HEATR5B: variants seen among roughly 807,000 people sequenced by gnomAD.
HEATR5B encodes HEAT repeat-containing protein 5B.
In HEATR5B, 156 loss-of-function variants were observed where a neutral mutation model predicts 224.1. That is an observed-to-expected ratio of 0.70 (90% CI 0.61 to 0.80). HEATR5B has a LOEUF of 0.80. HEATR5B is among the 30% of genes least tolerant of loss of function. HEATR5B has a pLI of 0.00. For synonymous variants in HEATR5B, 1,027 were observed against 893.0 expected (o/e 1.15, Z -2.68); for missense variants, 2,323 against 2,535.5 (o/e 0.92, Z 1.80).
rs776810204 is a variant in HEATR5B at position 37,005,776 on chromosome 2, A to G, written c.4778-17T>C. 1 of 1,549,924 alleles carries G rather than the reference A, an allele frequency of 6.5e-7. No individual in the cohort carries two copies. The highest frequency in any genetic ancestry group is 8.7e-7 in the Non-Finnish European group (1 of 1,153,292). ...TACTCACACCTGAAATGCACAAAAT[A>G]AAAACATGTTTTTTCACTTATAAAA... On this transcript the variant is annotated splice_polypyrimidine_tract_variant and intron_variant, in intron 29 of 35. Coordinates refer to ENST00000233099, the MANE Select transcript of HEATR5B (RefSeq NM_019024.3).
chr2:37,063,519 A>AGGAAGATGGGACGTGTGG (rs1671409716), intron 10 of HEATR5B, among the ~76,000 whole-genome samples: 1 of 152,154 alleles, frequency 6.6e-6, no homozygotes, highest in East Asian at 1.9e-4. Context: ...AAGTGGTATG[A>AGGAAGATGGGACGTGTGG]GGAAGATGGG....
At chr2:37,029,445 C>A (rs933456630) in intron 22 of HEATR5B, among the ~76,000 whole-genome samples, 8 of 152,164 alleles carry the variant, frequency 5.3e-5, no homozygotes, top group African/African-American at 1.9e-4. Context: ...AGGTGGATCA[C>A]CTGAGATCAG....
intron 22 of HEATR5B, among the ~76,000 whole-genome samples, chr2:37,031,721 G>A (rs1669146029): frequency 6.6e-6 from 1 of 152,012 alleles, no homozygotes; most frequent in Non-Finnish European, 1.5e-5. Flanking sequence ...CTTATGCTAT[G>A]CTACAATTGA....
At chr2:37,018,110 G>C (rs553448168) in intron 26 of HEATR5B, among the ~76,000 whole-genome samples, 23 of 151,566 alleles carry the variant, frequency 1.5e-4, no homozygotes, top group African/African-American at 5.6e-4. Context: ...TGCTTTACCT[G>C]TCAGGAAACC....
chr2:37,059,102 G>A lies in HEATR5B; in HGVS notation c.1850-115C>T, dbSNP rs181342331. The A allele has an allele frequency of 5.2e-4, 288 of 550,748 alleles. 1 individual carries two copies. Among genetic ancestry groups the A allele is most frequent in the African/African-American group, 4.6e-3 (241 of 51,934 alleles). The allele number at this position is 550,748 out of a possible 1,614,324, so 34.1% of individuals were successfully genotyped here. On this transcript the variant is annotated intron_variant, in intron 12 of 35. Transcript: ENST00000233099. ...AATACTTAATTATTATAACGTATAA[G>A]GTTCTGAAACCATGTCGAACCAAAA...
intron 33 of HEATR5B, among the ~76,000 whole-genome samples, chr2:36,994,088 T>C (rs1666524654): frequency 6.6e-6 from 1 of 152,200 alleles, no homozygotes; most frequent in Non-Finnish European, 1.5e-5. Flanking sequence ...ATGAAGTACG[T>C]AGGAATAGAG....
intron 18 of HEATR5B, among the ~76,000 whole-genome samples, chr2:37,049,309 A>C (rs1371018110): frequency 1.3e-5 from 2 of 152,232 alleles, no homozygotes; most frequent in Admixed American, 1.3e-4. Flanking sequence ...AAGAATAAAG[A>C]GGGACAAGGA....
intron 5 of HEATR5B, among the ~76,000 whole-genome samples, chr2:37,074,197 C>T (rs1672086209): frequency 6.6e-6 from 1 of 151,874 alleles, no homozygotes; most frequent in Non-Finnish European, 1.5e-5. Flanking sequence ...GTGGCGGACG[C>T]CTGTAGTCCC....
intron 34 of HEATR5B, among the ~76,000 whole-genome samples, chr2:36,989,191 T>A (rs979357938): frequency 3.9e-5 from 6 of 152,294 alleles, no homozygotes; most frequent in Non-Finnish European, 8.8e-5. Context: ...GTTCAAGCGA[T>A]TCTCCTGCCT....
intron 15 of HEATR5B, 68 bp downstream of exon 15, chr2:37,057,249 G>C (rs1670968886): frequency 1.7e-6 from 2 of 1,207,550 alleles, no homozygotes; most frequent in Non-Finnish European, 2.3e-6. Flanking sequence ...TTCTTTTTAA[G>C]TGACAATGTG....
intron 16 of HEATR5B, among the ~76,000 whole-genome samples, chr2:37,055,325 C>T (rs1176671278): frequency 1.3e-5 from 2 of 151,628 alleles, no homozygotes; most frequent in Non-Finnish European, 2.9e-5. Flanking sequence ...TTTATTTATA[C>T]TTCATCTTAT....
At chr2:37,028,244 T>C (rs1323506314) in intron 23 of HEATR5B, 70 bp from the exon 24 acceptor site, 4 of 955,572 alleles carry the variant, frequency 4.2e-6, no homozygotes, top group Non-Finnish European at 4.2e-6. Context: ...AAGTTATTAA[T>C]ATTAAAATTT....
At chr2:37,049,940 G>C (rs1181773886) in intron 17 of HEATR5B, 97 bp from the exon 18 acceptor site, 44 of 1,167,216 alleles carry the variant, frequency 3.8e-5, no homozygotes, top group Non-Finnish European at 4.8e-5. Context: ...GCCCAGGCTG[G>C]AGTGCAATGG....
chr2:37,079,365 T>A, intron 2 of HEATR5B, 34 bp from the exon 3 acceptor site: 4 of 1,287,400 alleles, frequency 3.1e-6, no homozygotes, highest in Non-Finnish European at 4.3e-6. Flanking sequence ...AGAACATCAT[T>A]AAAAATTTTT....
chr2:37,069,829 T>C (rs1671798836), intron 7 of HEATR5B, among the ~76,000 whole-genome samples: 1 of 151,954 alleles, frequency 6.6e-6, no homozygotes, highest in Non-Finnish European at 1.5e-5. Context: ...CAGACAATAT[T>C]AAAAATGTCT....
intron 3 of HEATR5B, among the ~76,000 whole-genome samples, chr2:37,077,808 T>C (rs1267006314): frequency 6.6e-6 from 1 of 152,240 alleles, no homozygotes; most frequent in Non-Finnish European, 1.5e-5. Context: ...GGAATATAGC[T>C]CACATATTTG....
At chr2:37,078,018 CA>C (rs1474408755) in intron 3 of HEATR5B, among the ~76,000 whole-genome samples, 2 of 152,134 alleles carry the variant, frequency 1.3e-5, no homozygotes. Context: ...AGCTTAAAGG[CA>C]AAAGTAGGAC....
At chr2:37,020,943 A>C in intron 24 of HEATR5B, 107 bp from the exon 25 acceptor site, 1 of 643,678 alleles carries the variant, frequency 1.6e-6, no homozygotes, top group Non-Finnish European at 2.6e-6. Flanking sequence ...CAATCCACAT[A>C]TTTCACAACT....
At chr2:37,046,954 G>A (rs1670237237) in intron 18 of HEATR5B, among the ~76,000 whole-genome samples, 1 of 141,590 alleles carries the variant, frequency 7.1e-6, no homozygotes, top group African/African-American at 2.7e-5. Flanking sequence ...GGAGGCTAAG[G>A]AAGGAGAATC....
Sources: allele counts gnomAD v4.1 joint callset (sites outside exome capture counted in the v4.1 genomes callset), GRCh38; gene constraint gnomAD v4.1.1; transcripts MANE v1.5; gene names NCBI Gene and HGNC (gene_info 2026-07-23, HGNC 2026-07-21).